Variants in MACROD2 observed in about 807,000 individuals in gnomAD.
MACROD2 encodes the protein ADP-ribose glycohydrolase MACROD2.
Under a neutral mutation model 70.4 loss-of-function variants are expected in MACROD2, and 36 were observed. The observed-to-expected ratio is 0.51, with a 90% CI of 0.39 to 0.68. MACROD2 has a LOEUF of 0.68. Among genes scored for constraint, MACROD2 ranks in the 30% least tolerant of loss-of-function variants. The pLI is 0.00. For synonymous variants in MACROD2, 172 were observed against 178.8 expected (o/e 0.96, Z 0.30); for missense variants, 496 against 538.4 (o/e 0.92, Z 0.78).
chr20:14,700,462 A>G (rs895397213), intron 5 of MACROD2, among the ~76,000 whole-genome samples: 2 of 151,916 alleles, frequency 1.3e-5, no homozygotes, highest in African/African-American at 4.8e-5. Context: ...TCACTCAACT[A>G]TTCAGTTATG....
At chr20:15,194,001 T>C (rs1374733366) in intron 5 of MACROD2, among the ~76,000 whole-genome samples, 2 of 151,874 alleles carry the variant, frequency 1.3e-5, no homozygotes, top group Non-Finnish European at 2.9e-5. Flanking sequence ...ATCCCAGCAC[T>C]TTGGGAGGCC....
At chr20:15,481,485 T>G (rs1195520287) in intron 7 of MACROD2, among the ~76,000 whole-genome samples, 3 of 152,204 alleles carry the variant, frequency 2.0e-5, no homozygotes, top group Non-Finnish European at 4.4e-5. Flanking sequence ...TATATTTCTA[T>G]GTATATGATA....
chr20:15,081,904 C>T (rs1458476863), intron 5 of MACROD2, among the ~76,000 whole-genome samples: 2 of 152,106 alleles, frequency 1.3e-5, no homozygotes, highest in Non-Finnish European at 2.9e-5. Flanking sequence ...TCCATGGACT[C>T]CAAACATATA....
intron 6 of MACROD2, among the ~76,000 whole-genome samples, chr20:15,266,164 TA>T (rs1241961982): frequency 1.3e-5 from 2 of 152,226 alleles, no homozygotes; most frequent in Non-Finnish European, 2.9e-5. Flanking sequence ...TGTCTCTTAA[TA>T]AACTTAAAGA....
intron 8 of MACROD2, among the ~76,000 whole-genome samples, chr20:15,561,949 CTTTG>C (rs2048250589): frequency 6.6e-6 from 1 of 152,130 alleles, no homozygotes; most frequent in East Asian, 1.9e-4. Flanking sequence ...CTCTTTGCTG[CTTTG>C]TTTGTCAAGA....
intron 3 of MACROD2, among the ~76,000 whole-genome samples, chr20:14,309,219 G>A (rs1384297274): frequency 1.3e-5 from 2 of 152,132 alleles, no homozygotes; most frequent in African/African-American, 2.4e-5. Flanking sequence ...GGGACAGTAT[G>A]ATTCAACCTC....
chr20:15,284,160 T>C (rs1258196552), intron 6 of MACROD2, among the ~76,000 whole-genome samples: 2 of 152,182 alleles, frequency 1.3e-5, no homozygotes, highest in Admixed American at 6.5e-5. Flanking sequence ...AGATATCTTG[T>C]GCCTTTTTTA....
intron 4 of MACROD2, among the ~76,000 whole-genome samples, chr20:14,510,264 AG>A (rs1226881268): frequency 6.6e-6 from 1 of 152,080 alleles, no homozygotes; most frequent in Non-Finnish European, 1.5e-5. Flanking sequence ...TAATGTCAAT[AG>A]AAAACTATAT....
chr20:15,711,612 G>A (rs1034884501), intron 8 of MACROD2, among the ~76,000 whole-genome samples: 22 of 152,222 alleles, frequency 1.4e-4, no homozygotes. Flanking sequence ...TGGGGAAATG[G>A]CGTGTGTTTT....
chr20:14,702,219 A>T (rs1159516716), intron 5 of MACROD2, among the ~76,000 whole-genome samples: 7 of 152,002 alleles, frequency 4.6e-5, no homozygotes, highest in African/African-American at 2.4e-5. Context: ...GTACTCATGC[A>T]TTACCCACCA....
rs2075802755 is a variant in MACROD2, at chr20:15,092,918, C to T, written c.419-137022C>T. Among the ~76,000 whole-genome samples the T allele has an allele frequency of 2.0e-5, 3 of 152,242 alleles. No homozygotes were observed. The South Asian group carries it at 6.2e-4, about 32-fold the overall frequency. On this transcript the variant is annotated intron_variant, in intron 5 of 17. Coordinates refer to ENST00000684519, the MANE Select transcript of MACROD2 (RefSeq NM_001351661.2). ...AAGTGAAGCAGGAATGTTTTAATGGCATGAGGCCCTACACACCAAAATGGC... is the reference window on the plus strand; with the variant it reads ...AAGTGAAGCAGGAATGTTTTAATGGTATGAGGCCCTACACACCAAAATGGC...
At chr20:14,523,932 G>A (rs2085198961) in intron 4 of MACROD2, among the ~76,000 whole-genome samples, 1 of 152,156 alleles carries the variant, frequency 6.6e-6, no homozygotes, top group Admixed American at 6.5e-5. Flanking sequence ...GGATATGCCA[G>A]TCTAGTTATG....
At chr20:14,623,511 C>T (rs1215956331) in intron 4 of MACROD2, among the ~76,000 whole-genome samples, 1 of 152,024 alleles carries the variant, frequency 6.6e-6, no homozygotes, top group Admixed American at 6.6e-5. Flanking sequence ...AAATGATGAC[C>T]AATACTATAA....
chr20:15,771,953 C>T (rs8120389), intron 8 of MACROD2, among the ~76,000 whole-genome samples: 48,512 of 149,498 alleles, frequency 0.32, 8,923 homozygotes, highest in East Asian at 0.52. Flanking sequence ...GGCGTAGTGG[C>T]GGGCACCTGT....
intron 3 of MACROD2, among the ~76,000 whole-genome samples, chr20:14,296,005 T>C (rs907702874): frequency 6.6e-6 from 1 of 151,860 alleles, no homozygotes; most frequent in Non-Finnish European, 1.5e-5. Context: ...TTTCATAATC[T>C]ACTGTGATTC....
chr20:15,985,276 G>T (rs1230738451), intron 13 of MACROD2, among the ~76,000 whole-genome samples: 1 of 152,056 alleles, frequency 6.6e-6, no homozygotes, highest in Non-Finnish European at 1.5e-5. Context: ...ACAAAGAACG[G>T]GTATGGAGGG....
At chr20:15,088,546 A>G (rs898871447) in intron 5 of MACROD2, among the ~76,000 whole-genome samples, 15 of 150,666 alleles carry the variant, frequency 1.0e-4, no homozygotes, top group Admixed American at 4.7e-4. Context: ...TAACTGCTGG[A>G]TATGTGTATA....
At chr20:15,570,133 T>C (rs997666937) in intron 8 of MACROD2, among the ~76,000 whole-genome samples, 1 of 152,218 alleles carries the variant, frequency 6.6e-6, no homozygotes, top group Non-Finnish European at 1.5e-5. Context: ...CCGTAATGGC[T>C]GTATTAATGT....
chr20:14,661,105 T>C (rs369817060), intron 4 of MACROD2, among the ~76,000 whole-genome samples: 3 of 152,246 alleles, frequency 2.0e-5, no homozygotes, highest in East Asian at 1.9e-4. Flanking sequence ...ATTCTGTTTC[T>C]AGTTCTTTGA....
Sources: gnomAD v4.1 joint callset for allele counts (sites outside exome capture counted in the v4.1 genomes callset) on GRCh38, gnomAD v4.1.1 for gene constraint, MANE v1.5 for transcripts, NCBI Gene and HGNC (gene_info 2026-07-23, HGNC 2026-07-21) for gene names.